AKR1C3: variants seen among roughly 807,000 people sequenced by gnomAD.
AKR1C3 encodes 3-alpha hydroxysteroid dehydrogenase, type II.
A neutral mutation model predicts 43.6 loss-of-function variants in AKR1C3; 48 were observed. The observed-to-expected ratio is 1.10, with a 90% CI of 0.87 to 1.40. The LOEUF (loss-of-function observed/expected upper bound fraction) is 1.40. Ranked by LOEUF, AKR1C3 falls within the 40% of genes most tolerant of loss-of-function variation. The pLI is 0.00. For missense variants in AKR1C3, 482 were observed against 391.2 expected, an observed-to-expected ratio of 1.23 and a Z score of -1.96; for synonymous variants, 162 against 139.6, an observed-to-expected ratio of 1.16 and a Z score of -1.13.
chr10:5,092,812 C>T (rs28942669), upstream of AKR1C3, among the ~76,000 whole-genome samples: 9,528 of 152,044 alleles, frequency 0.063, 350 homozygotes, highest in Middle Eastern at 0.085. Flanking sequence ...AAAATAATTT[C>T]TGTCAACTCG....
At chr10:5,087,444 C>G (rs983432312) in intron 1 of AKR1C3, among the ~76,000 whole-genome samples, 1 of 150,596 alleles carries the variant, frequency 6.6e-6, no homozygotes, top group African/African-American at 2.5e-5. Flanking sequence ...GCAATCTCAG[C>G]TCACTGAAAC....
At chr10:5,063,940 C>A (rs1367209735) in intron 1 of AKR1C3, among the ~76,000 whole-genome samples, 1 of 151,996 alleles carries the variant, frequency 6.6e-6, no homozygotes, top group East Asian at 1.9e-4. Flanking sequence ...AATGTCATTG[C>A]CTCGCCAACT....
At chr10:5,076,278 T>C (rs1442246173) in intron 1 of AKR1C3, among the ~76,000 whole-genome samples, 1 of 152,204 alleles carries the variant, frequency 6.6e-6, no homozygotes, top group Non-Finnish European at 1.5e-5. Flanking sequence ...AGTGTTGAGA[T>C]GTGGGACCTT....
At chr10:5,084,208 T>G (rs1309533483) in intron 1 of AKR1C3, among the ~76,000 whole-genome samples, 1 of 152,178 alleles carries the variant, frequency 6.6e-6, no homozygotes, top group Non-Finnish European at 1.5e-5. Context: ...TTTATGGCTT[T>G]AGGTCTACAT....
At chr10:5,050,524 AGAT>A (rs150542692) in intron 1 of AKR1C3, among the ~76,000 whole-genome samples, 5,361 of 152,092 alleles carry the variant, frequency 0.035, 119 homozygotes, top group Middle Eastern at 0.061. Flanking sequence ...CAAGTAATAG[AGAT>A]GATGAGATAA....
At chr10:5,075,731 G>A (rs536851000) in intron 1 of AKR1C3, among the ~76,000 whole-genome samples, 62 of 152,096 alleles carry the variant, frequency 4.1e-4, no homozygotes, top group Middle Eastern at 3.4e-3. Flanking sequence ...AAAATTAGCC[G>A]GGCATGGTGG....
At chr10:5,051,038 T>C (rs1175400146) in intron 1 of AKR1C3, among the ~76,000 whole-genome samples, 2 of 152,232 alleles carry the variant, frequency 1.3e-5, no homozygotes, top group African/African-American at 4.8e-5. Flanking sequence ...GACTCTTTGC[T>C]CTGTAGGCAG....
intron 3 of AKR1C3, chr10:5,097,776 C>T: frequency 1.6e-6 from 2 of 1,284,010 alleles, no homozygotes; most frequent in East Asian, 7.8e-5. Context: ...AAAGCCTCTT[C>T]CTCAAAAACT....
chr10:5,056,042 G>A (rs1254193399), intron 1 of AKR1C3, among the ~76,000 whole-genome samples: 5 of 152,182 alleles, frequency 3.3e-5, no homozygotes, highest in Non-Finnish European at 5.9e-5. Context: ...TAGACACCTT[G>A]TAACCTTGAT....
At chr10:5,067,149 C>T (rs1333708397) in intron 1 of AKR1C3, among the ~76,000 whole-genome samples, 3 of 151,982 alleles carry the variant, frequency 2.0e-5, no homozygotes, top group African/African-American at 7.3e-5. Context: ...TAAGTTTATC[C>T]ACTTATAAGG....
chr10:5,097,837 G>C (rs1839246329), intron 3 of AKR1C3: 1 of 1,168,270 alleles, frequency 8.6e-7, no homozygotes, highest in African/African-American at 1.6e-5. Flanking sequence ...TGGCTTTTGA[G>C]TCCATCTCTT....
intron 1 of AKR1C3, among the ~76,000 whole-genome samples, chr10:5,076,435 G>A (rs943711751): frequency 2.0e-5 from 3 of 151,928 alleles, no homozygotes; most frequent in African/African-American, 7.3e-5. Flanking sequence ...CTCTAGAATT[G>A]TAAAAAACTA....
At chr10:5,104,910 CTAGACT>C (rs1386349648) in intron 7 of AKR1C3, among the ~76,000 whole-genome samples, 1 of 152,028 alleles carries the variant, frequency 6.6e-6, no homozygotes, top group Non-Finnish European at 1.5e-5. Flanking sequence ...CACCTTTTAC[CTAGACT>C]AATTGTTAAC....
intron 1 of AKR1C3, 110 bp downstream of exon 1, chr10:5,094,638 C>G: frequency 8.2e-7 from 1 of 1,218,478 alleles, no homozygotes; most frequent in Non-Finnish European, 1.2e-6. Flanking sequence ...GGATGACTCA[C>G]TGGTCTAGGT....
intron 1 of AKR1C3, among the ~76,000 whole-genome samples, chr10:5,058,138 AGAG>A (rs1384235974): frequency 9.2e-5 from 14 of 152,076 alleles, no homozygotes; most frequent in Non-Finnish European, 1.6e-4. Flanking sequence ...GGGGGAGGTT[AGAG>A]GAGGATTATC....
At chr10:5,085,125 G>T (rs189568553) in intron 1 of AKR1C3, among the ~76,000 whole-genome samples, 1 of 152,206 alleles carries the variant, frequency 6.6e-6, no homozygotes, top group Admixed American at 6.5e-5. Flanking sequence ...GAATAGGAGT[G>T]GTGAGAGAAG....
At chr10:5,053,928 A>G (rs1838208562) in intron 1 of AKR1C3, among the ~76,000 whole-genome samples, 1 of 152,214 alleles carries the variant, frequency 6.6e-6, no homozygotes, top group Non-Finnish European at 1.5e-5. Context: ...ATTTGACAAG[A>G]AGGTTAAAAA....
chr10:5,054,724 ACT>A (rs782717819), intron 1 of AKR1C3, among the ~76,000 whole-genome samples: 42 of 145,798 alleles, frequency 2.9e-4, no homozygotes, highest in African/African-American at 5.1e-5. Flanking sequence ...TTTCTCTTTG[ACT>A]CTGTTTCCTC....
chr10:5,056,952 A>C (rs1388356280), intron 1 of AKR1C3, among the ~76,000 whole-genome samples: 4 of 152,212 alleles, frequency 2.6e-5, no homozygotes, highest in Non-Finnish European at 5.9e-5. Flanking sequence ...AACACTGAGA[A>C]GGCTGCACCA....
Sources: allele counts gnomAD v4.1 joint callset (sites outside exome capture counted in the v4.1 genomes callset), GRCh38; gene constraint gnomAD v4.1.1; transcripts MANE v1.5; gene names NCBI Gene and HGNC (gene_info 2026-07-23, HGNC 2026-07-21).